Variants in ZNF555 observed in about 807,000 individuals in gnomAD.
The protein encoded by ZNF555 is zinc finger protein 555.
Under a neutral mutation model 14.0 loss-of-function variants are expected in ZNF555, and 10 were observed. The ratio of observed to expected loss-of-function variants is 0.72; its 90% CI spans 0.44 to 1.21. ZNF555 has a LOEUF of 1.21. ZNF555 is among the 50% of genes most tolerant of loss of function. ZNF555 has a pLI of 0.00. For synonymous variants in ZNF555, 277 were observed against 262.4 expected (o/e 1.06, Z -0.54); for missense variants, 747 against 762.0 (o/e 0.98, Z 0.23).
chr19:2,853,869 A>G lies in ZNF555; in HGVS notation c.1804A>G (p.Asn602Asp). Reference sequence around the variant, plus strand: ...GTGTAATGTAGGACATCCTCCTGCAAATGAATTCATGTGCAGTGCTTCAGA... The same window carrying G: ...GTGTAATGTAGGACATCCTCCTGCAGATGAATTCATGTGCAGTGCTTCAGA... ...YKCNVGHPPA[N>D]EFMCSASEKS... The change falls in exon 4 of 4, where the codon AAT (asparagine) becomes GAT (aspartate). Residue 602 changes from asparagine to aspartate, a missense_variant. Transcript: ENST00000334241. 6.2e-7 allele frequency: 1 copy of G among 1,614,022 alleles called. No homozygotes were observed. Among genetic ancestry groups the G allele is most frequent in the Non-Finnish European group, 8.5e-7 (1 of 1,179,952 alleles).
In ZNF555 at chr19:2,841,511, C is replaced by T. The variant is rs2087535138; in HGVS notation, c.-62C>T. The T allele has an allele frequency of 6.5e-7, 1 of 1,545,350 alleles. No individual in the cohort carries two copies. Among genetic ancestry groups the T allele is most frequent in the Non-Finnish European group, 8.7e-7 (1 of 1,144,434 alleles). On this transcript the variant is annotated 5_prime_UTR_variant, in exon 1 of 4. Coordinates refer to ENST00000334241, the MANE Select transcript of ZNF555 (RefSeq NM_152791.5). ...GAGTGCCCCGCCTGCCCCTAGCGGTCCCTGGCGTCCCGGTTCCTGTCGCGC... is the reference window on the plus strand; with the variant it reads ...GAGTGCCCCGCCTGCCCCTAGCGGTTCCTGGCGTCCCGGTTCCTGTCGCGC...
intron 1 of ZNF555, among the ~76,000 whole-genome samples, chr19:2,843,605 A>T (rs891860391): frequency 2.0e-5 from 3 of 152,210 alleles, no homozygotes; most frequent in African/African-American, 7.2e-5. Flanking sequence ...AAAATATGTT[A>T]TTCTCCTTGA....
intron 1 of ZNF555, among the ~76,000 whole-genome samples, chr19:2,842,699 G>A (rs982679732): frequency 3.9e-5 from 6 of 152,152 alleles, no homozygotes; most frequent in African/African-American, 1.2e-4. Context: ...TTTCGAGTCA[G>A]CAGTTTTTAG....
Position 2,853,464 on chromosome 19 carries a change from T to C in ZNF555, c.1399T>C (p.Phe467Leu). The change falls in exon 4 of 4, where the codon TTT (phenylalanine) becomes CTT (leucine). Residue 467 changes from phenylalanine to leucine, a missense_variant. Coordinates refer to ENST00000334241, the MANE Select transcript of ZNF555 (RefSeq NM_152791.5). ...GAAAGCCTTCAGCTTGTCTGCTTGC[T>C]TTCGAGAACATGTGAGAATGCACCC... ...CGKAFSLSAC[F>L]REHVRMHPED... 6.2e-7 allele frequency: 1 copy of C among 1,614,192 alleles called. No individual in the cohort carries two copies. The highest frequency in any genetic ancestry group is 1.3e-5 in the African/African-American group (1 of 75,052).
Position 2,853,293 on chromosome 19 carries a change from T to C in ZNF555, c.1228T>C (p.Ser410Pro). ...CGGGAAAGCATTCAGTCACCCCTCC[T>C]CCTTTCGAGGACACATGAGGGTGCA... ...QCGKAFSHPS[S>P]FRGHMRVHTG... Residue 410 changes from serine (S) to proline (P), a missense_variant, in exon 4 of 4, where the codon TCC becomes CCC. Transcript: ENST00000334241. 6.2e-7 allele frequency: 1 copy of C among 1,612,506 alleles called. No individual in the cohort carries two copies. Among genetic ancestry groups the C allele is most frequent in the Non-Finnish European group, 8.5e-7 (1 of 1,179,548 alleles).
At chr19:2,844,021 A>G (rs1487618246) in intron 1 of ZNF555, among the ~76,000 whole-genome samples, 1 of 150,218 alleles carries the variant, frequency 6.7e-6, no homozygotes, top group Non-Finnish European at 1.5e-5. Flanking sequence ...GGCACCTGCT[A>G]CCATGCCTGC....
intron 1 of ZNF555, 27 bp downstream of exon 1, chr19:2,841,602 G>T: frequency 6.6e-7 from 1 of 1,516,640 alleles, no homozygotes; most frequent in Non-Finnish European, 8.8e-7. Flanking sequence ...AGAGGATCCC[G>T]GTGCGGGGCA....
At chr19:2,846,930 A>G (rs2087586768) in intron 1 of ZNF555, among the ~76,000 whole-genome samples, 1 of 152,194 alleles carries the variant, frequency 6.6e-6, no homozygotes, top group Non-Finnish European at 1.5e-5. Context: ...GTGTATCTCC[A>G]CTTAGAGATT....
In ZNF555 at chr19:2,844,098, CTTT is replaced by C. The variant is rs1215032735; in HGVS notation, c.3+2541_3+2543del. Among the ~76,000 whole-genome samples the C allele has an allele frequency of 3.4e-4, 20 of 58,144 alleles. 1 individual carries two copies. Among genetic ancestry groups the C allele is most frequent in the African/African-American group, 8.0e-4 (17 of 21,192 alleles). The allele number at this position is 58,144 out of a possible 152,430, so 38.1% of individuals were successfully genotyped here. A position where few individuals can be genotyped will look rare whatever the true frequency, so the allele number is the denominator to read the frequency against. On this transcript the variant is annotated intron_variant, in intron 1 of 3. Transcript: ENST00000334241. ...TCTTTCCTTTCTCTCTCTCTCTTTT[CTTT>C]TTTTTTTTTTTTTTTTTAAAGAGGG...
At chr19:2,841,632 C>G in intron 1 of ZNF555, 57 bp downstream of exon 1, 1 of 1,453,470 alleles carries the variant, frequency 6.9e-7, no homozygotes, top group South Asian at 1.4e-5. Context: ...GGCGACCGCC[C>G]GAGACCGCGG....
Position 2,853,165 on chromosome 19 carries a change from C to T in ZNF555, c.1100C>T (p.Pro367Leu), listed in dbSNP as rs753252485. Residue 367 changes from proline to leucine, a missense_variant, in exon 4 of 4, where the codon CCC becomes CTC. Coordinates refer to ENST00000334241, the MANE Select transcript of ZNF555 (RefSeq NM_152791.5). Reference protein sequence around the residue: ...RHERIHTGEKPYECKQCGKTF... With the variant: ...RHERIHTGEKLYECKQCGKTF... ...GAAAGGATTCACACTGGAGAGAAACCCTACGAATGCAAACAGTGTGGGAAG... is the reference window on the plus strand; with the variant it reads ...GAAAGGATTCACACTGGAGAGAAACTCTACGAATGCAAACAGTGTGGGAAG... 1.2e-6 allele frequency: 2 copies of T among 1,614,088 alleles called. No individual in the cohort carries two copies. The highest frequency in any genetic ancestry group is 1.7e-5 in the Admixed American group (1 of 60,012).
Position 2,852,807 on chromosome 19 carries a change from A to T in ZNF555, c.742A>T (p.Arg248Ter). 6.2e-7 allele frequency: 1 copy of T among 1,614,228 alleles called. No individual in the cohort carries two copies. Residue 248 changes from arginine to a stop codon, truncating the protein, a stop_gained, in exon 4 of 4, where the codon AGA (arginine) becomes TGA (stop). Coordinates refer to ENST00000334241, the MANE Select transcript of ZNF555 (RefSeq NM_152791.5). LOFTEE classifies it low-confidence loss of function (END_TRUNC). ...IDFSSLTSHL[R>*]SHTGEKPYKC... ...CTTCTCAAGTCTTACTAGTCATCTCAGAAGTCACACCGGAGAGAAGCCATA... is the reference window on the plus strand; with the variant it reads ...CTTCTCAAGTCTTACTAGTCATCTCTGAAGTCACACCGGAGAGAAGCCATA...
At chr19:2,841,607 G>C (rs1405458973) in intron 1 of ZNF555, 32 bp downstream of exon 1, 2 of 1,504,756 alleles carry the variant, frequency 1.3e-6, no homozygotes, top group East Asian at 5.6e-5. Context: ...ATCCCGGTGC[G>C]GGGCAGCAGG....
At chr19:2,842,042 C>T (rs770844383) in intron 1 of ZNF555, among the ~76,000 whole-genome samples, 1 of 151,986 alleles carries the variant, frequency 6.6e-6, no homozygotes, top group Non-Finnish European at 1.5e-5. Context: ...GGTGCGGGTC[C>T]CTGGTCGGTG....
chr19:2,841,518 G>C lies in ZNF555; in HGVS notation c.-55G>C, dbSNP rs2087535235. 1 of 1,545,202 alleles carries C rather than the reference G, an allele frequency of 6.5e-7. No homozygotes were observed. The highest frequency in any genetic ancestry group is 2.0e-5 in the Admixed American group (1 of 50,774). ...CCGCCTGCCCCTAGCGGTCCCTGGCGTCCCGGTTCCTGTCGCGCTCACCTG... is the reference window on the plus strand; with the variant it reads ...CCGCCTGCCCCTAGCGGTCCCTGGCCTCCCGGTTCCTGTCGCGCTCACCTG... On this transcript the variant is annotated 5_prime_UTR_variant, in exon 1 of 4. Coordinates refer to ENST00000334241, the MANE Select transcript of ZNF555 (RefSeq NM_152791.5).
Position 2,855,287 on chromosome 19 carries a change from G to C in ZNF555, c.*1335G>C, listed in dbSNP as rs1406778531. ...ATATTTCTTAGAAATATCCTGTTTA[G>C]CTGGGCACAGTAGCTCATGCCTGTA... On this transcript the variant is annotated 3_prime_UTR_variant, in exon 4 of 4. Transcript: ENST00000334241. 6.6e-6 allele frequency: 1 copy of C among 152,142 alleles called. No individual in the cohort carries two copies. The highest frequency in any genetic ancestry group is 2.4e-5 in the African/African-American group (1 of 41,418). The allele number at this position is 152,142 out of a possible 1,614,324, so 9.4% of individuals were successfully genotyped here.
At position 2,853,562 on chromosome 19, in the gene ZNF555, G is replaced by A. The variant is rs778557225; in HGVS notation, c.1497G>A (p.Met499Ile). The change falls in exon 4 of 4, where the codon ATG becomes ATA. Residue 499 changes from methionine to isoleucine, a missense_variant. Coordinates refer to ENST00000334241, the MANE Select transcript of ZNF555 (RefSeq NM_152791.5). ...FYCHISLQKH[M>I]RRHTAEKLYK... is the part of the protein sequence containing the mutation. ...GCCACATATCCTTACAAAAACATATGAGAAGACATACCGCAGAGAAACTCT... is the reference window on the plus strand; with the variant it reads ...GCCACATATCCTTACAAAAACATATAAGAAGACATACCGCAGAGAAACTCT... The A allele has an allele frequency of 5.0e-6, 8 of 1,610,822 alleles. No homozygotes were observed. Among genetic ancestry groups the A allele is most frequent in the East Asian group, 2.2e-5 (1 of 44,804 alleles).
chr19:2,844,144 C>G (rs1024071944), intron 1 of ZNF555, among the ~76,000 whole-genome samples: 1 of 147,864 alleles, frequency 6.8e-6, no homozygotes, highest in African/African-American at 2.5e-5. Flanking sequence ...CCCTTTTCGC[C>G]CAGGCTGGAG....
At position 2,857,115 on chromosome 19, in the gene ZNF555, C is replaced by T. The variant is rs1029580365; in HGVS notation, c.*3163C>T. 1 of 152,202 alleles carries T rather than the reference C, an allele frequency of 6.6e-6. No individual in the cohort carries two copies. The highest frequency in any genetic ancestry group is 2.4e-5 in the African/African-American group (1 of 41,450). 9.4% of individuals were successfully genotyped at this position (152,202 alleles called of 1,614,324 possible). On this transcript the variant is annotated 3_prime_UTR_variant, in exon 4 of 4. Coordinates refer to ENST00000334241, the MANE Select transcript of ZNF555 (RefSeq NM_152791.5). ...ACTAGGGAAGAGGAAAAACATGTAA[C>T]ACCTTAGAGTTTTATTAAAGAGCAA...
Sources: gnomAD v4.1 joint callset for allele counts (sites outside exome capture counted in the v4.1 genomes callset) on GRCh38, gnomAD v4.1.1 for gene constraint, MANE v1.5 for transcripts, NCBI Gene and HGNC (gene_info 2026-07-23, HGNC 2026-07-21) for gene names.